Variants in TMEM132D observed in about 807,000 individuals in gnomAD.
TMEM132D encodes mature OL transmembrane protein.
Under a neutral mutation model 62.3 loss-of-function variants are expected in TMEM132D, and 21 were observed. The observed-to-expected ratio is 0.34, with a 90% CI of 0.24 to 0.49. The LOEUF (loss-of-function observed/expected upper bound fraction) is 0.49. Among genes scored for constraint, TMEM132D ranks in the 20% least tolerant of loss-of-function variants. The pLI is 0.99. For missense variants in TMEM132D, 1,346 were observed against 1,402.8 expected (o/e 0.96, Z 0.65); for synonymous variants, 621 against 575.6 (o/e 1.08, Z -1.13).
At chr12:129,096,969 G>A (rs1009206063) in intron 5 of TMEM132D, among the ~76,000 whole-genome samples, 1 of 151,920 alleles carries the variant, frequency 6.6e-6, no homozygotes, top group Non-Finnish European at 1.5e-5. Context: ...ATGTGGCCTG[G>A]GTCATAAGAT....
At chr12:129,274,744 A>G (rs1347917028) in intron 4 of TMEM132D, among the ~76,000 whole-genome samples, 3 of 152,122 alleles carry the variant, frequency 2.0e-5, no homozygotes, top group South Asian at 2.1e-4. Context: ...AAAATTAGCC[A>G]GGCGTGGTGG....
chr12:129,625,997 C>T (rs934676571), intron 2 of TMEM132D, among the ~76,000 whole-genome samples: 14 of 152,036 alleles, frequency 9.2e-5, no homozygotes, highest in Admixed American at 4.6e-4. Context: ...AGGTGGCATA[C>T]GGCTATTAGA....
intron 1 of TMEM132D, among the ~76,000 whole-genome samples, chr12:129,776,355 G>C (rs970408585): frequency 1.3e-5 from 2 of 151,998 alleles, no homozygotes; most frequent in East Asian, 3.9e-4. Context: ...AAGATTTGAC[G>C]GAAGTTGCCA....
intron 3 of TMEM132D, among the ~76,000 whole-genome samples, chr12:129,518,407 G>A (rs1415650186): frequency 5.3e-5 from 8 of 151,790 alleles, no homozygotes; most frequent in African/African-American, 1.7e-4. Context: ...AAAATTTTAT[G>A]GTTTGAATTC....
chr12:129,519,687 C>T (rs904775253), intron 3 of TMEM132D, among the ~76,000 whole-genome samples: 2 of 151,678 alleles, frequency 1.3e-5, no homozygotes, highest in African/African-American at 4.8e-5. Flanking sequence ...CGGCTCACTG[C>T]AACCTCCGCC....
intron 4 of TMEM132D, among the ~76,000 whole-genome samples, chr12:129,307,605 A>T (rs1881875321): frequency 6.6e-6 from 1 of 152,112 alleles, no homozygotes; most frequent in Non-Finnish European, 1.5e-5. Context: ...GTCTGCTTGA[A>T]ATCAGACACA....
intron 5 of TMEM132D, 32 bp downstream of exon 5, chr12:129,209,488 G>T (rs1486001354): frequency 6.2e-7 from 1 of 1,611,804 alleles, no homozygotes; most frequent in Non-Finnish European, 8.5e-7. Context: ...ATGACAGCAG[G>T]TTTCTGCAGG....
chr12:129,284,902 C>T (rs1311563772), intron 4 of TMEM132D, among the ~76,000 whole-genome samples: 1 of 151,968 alleles, frequency 6.6e-6, no homozygotes, highest in Non-Finnish European at 1.5e-5. Flanking sequence ...ATTGGTGGTG[C>T]CAGGGGTAAG....
chr12:129,748,043 T>G (rs754158681), intron 1 of TMEM132D, among the ~76,000 whole-genome samples: 20 of 152,170 alleles, frequency 1.3e-4, no homozygotes, highest in Non-Finnish European at 2.5e-4. Flanking sequence ...TTCTGTGCAT[T>G]TGCAACAGGG....
At chr12:129,228,876 C>A (rs1394067954) in intron 4 of TMEM132D, among the ~76,000 whole-genome samples, 1 of 152,208 alleles carries the variant, frequency 6.6e-6, no homozygotes, top group Non-Finnish European at 1.5e-5. Flanking sequence ...CAATGGATCA[C>A]AACATTTGAA....
chr12:129,440,179 C>T (rs1428775957), intron 3 of TMEM132D, among the ~76,000 whole-genome samples: 5 of 152,148 alleles, frequency 3.3e-5, no homozygotes, highest in Non-Finnish European at 7.3e-5. Flanking sequence ...ACAAAATGCT[C>T]CTGAGCACAA....
chr12:129,203,488 G>A (rs146265256), intron 5 of TMEM132D, among the ~76,000 whole-genome samples: 164 of 152,318 alleles, frequency 1.1e-3, no homozygotes, highest in African/African-American at 3.6e-3. Context: ...GCCTCCTGTG[G>A]TCCCAGGAAG....
intron 2 of TMEM132D, among the ~76,000 whole-genome samples, chr12:129,623,693 A>ACATATATATACATACATATG (rs1879135949): frequency 7.3e-6 from 1 of 136,784 alleles, no homozygotes; most frequent in Non-Finnish European, 1.5e-5. Flanking sequence ...ATACATATAT[A>ACATATATATACATACATATG]CATATATATA....
chr12:129,601,845 T>C (rs1437307199), intron 2 of TMEM132D, among the ~76,000 whole-genome samples: 1 of 152,102 alleles, frequency 6.6e-6, no homozygotes, highest in Non-Finnish European at 1.5e-5. Flanking sequence ...AGTTGAAATA[T>C]TGCTAGAATT....
At chr12:129,117,641 G>A (rs116555440) in intron 5 of TMEM132D, among the ~76,000 whole-genome samples, 2,588 of 152,222 alleles carry the variant, frequency 0.017, 86 homozygotes, top group African/African-American at 0.059. Flanking sequence ...TTTAGACATC[G>A]TATGACCCTG....
At chr12:129,260,469 A>G (rs7315892) in intron 4 of TMEM132D, among the ~76,000 whole-genome samples, 36,074 of 152,176 alleles carry the variant, frequency 0.24, 4,483 homozygotes, top group South Asian at 0.3. Flanking sequence ...GTTCACAGGA[A>G]AATGGCTGTA....
At chr12:129,770,863 G>A (rs1224968701) in intron 1 of TMEM132D, among the ~76,000 whole-genome samples, 1 of 152,212 alleles carries the variant, frequency 6.6e-6, no homozygotes, top group Non-Finnish European at 1.5e-5. Context: ...TCTACCGAAT[G>A]TGTACTGCTT....
intron 1 of TMEM132D, among the ~76,000 whole-genome samples, chr12:129,721,011 G>A (rs533570614): frequency 1.3e-5 from 2 of 152,218 alleles, no homozygotes; most frequent in African/African-American, 2.4e-5. Context: ...AGATGGGGCC[G>A]CATCTGCGTG....
At chr12:129,561,825 A>G (rs1004108596) in intron 2 of TMEM132D, among the ~76,000 whole-genome samples, 1 of 152,238 alleles carries the variant, frequency 6.6e-6, no homozygotes, top group Admixed American at 6.5e-5. Flanking sequence ...AGGTTTTCAG[A>G]AATAAATTTA....
Sources: allele counts gnomAD v4.1 joint callset (sites outside exome capture counted in the v4.1 genomes callset), GRCh38; gene constraint gnomAD v4.1.1; transcripts MANE v1.5; gene names NCBI Gene and HGNC (gene_info 2026-07-23, HGNC 2026-07-21).